The following LRGUK variants were observed in gnomAD, a reference collection of about 807,000 sequenced individuals.
LRGUK encodes the protein leucine rich repeats and guanylate kinase domain containing.
A neutral mutation model predicts 76.0 loss-of-function variants in LRGUK; 65 were observed. The observed-to-expected ratio is 0.85, with a 90% CI of 0.70 to 1.05. The LOEUF (loss-of-function observed/expected upper bound fraction) is 1.05, where lower values mean the gene tolerates loss of function less well. Ranked by LOEUF, LRGUK falls within the 50% of genes least tolerant of loss-of-function variation. The pLI is 0.00. For missense variants in LRGUK, 758 were observed against 732.8 expected (o/e 1.03, Z -0.40); for synonymous variants, 268 against 265.6 (o/e 1.01, Z -0.09).
At chr7:134,185,377 A>G (rs1217207327) in intron 11 of LRGUK, among the ~76,000 whole-genome samples, 4 of 152,062 alleles carry the variant, frequency 2.6e-5, no homozygotes, top group African/African-American at 4.8e-5. Context: ...CCCAGTCAAC[A>G]TGGCAAAATC....
At chr7:134,141,815 G>T (rs925335764) in intron 3 of LRGUK, 2 of 152,302 alleles carry the variant, frequency 1.3e-5, no homozygotes, top group African/African-American at 4.8e-5. Context: ...TCCTCGAAGA[G>T]TTCTTCCTTG....
chr7:134,196,839 TAA>T (rs1375204651), intron 12 of LRGUK, among the ~76,000 whole-genome samples, 151 bp from the exon 13 acceptor site: 2 of 152,214 alleles, frequency 1.3e-5, no homozygotes, highest in African/African-American at 4.8e-5. Flanking sequence ...AGTTTGAAAT[TAA>T]GTTTCATTTA....
chr7:134,161,251 A>T (rs1473957547), intron 6 of LRGUK, among the ~76,000 whole-genome samples: 1 of 152,188 alleles, frequency 6.6e-6, no homozygotes, highest in East Asian at 1.9e-4. Flanking sequence ...GATATTTTGA[A>T]TAGGCTATTG....
At chr7:134,164,636 A>G (rs2116938928) in intron 7 of LRGUK, among the ~76,000 whole-genome samples, 1 of 152,272 alleles carries the variant, frequency 6.6e-6, no homozygotes, top group East Asian at 1.9e-4. Context: ...CTTGAAAATG[A>G]AAAATTGGGC....
chr7:134,217,702 A>T (rs974385886), intron 15 of LRGUK, among the ~76,000 whole-genome samples: 1 of 152,172 alleles, frequency 6.6e-6, no homozygotes, highest in Non-Finnish European at 1.5e-5. Flanking sequence ...TTCTTAATGA[A>T]CTAAACTTTT....
chr7:134,224,921 T>C (rs972703031), intron 16 of LRGUK, among the ~76,000 whole-genome samples: 2 of 151,586 alleles, frequency 1.3e-5, no homozygotes, highest in African/African-American at 4.8e-5. Flanking sequence ...GTGTAGTGGC[T>C]CGCGCTTGTG....
At chr7:134,176,925 T>C (rs1466272724) in intron 8 of LRGUK, 52 bp from the exon 9 acceptor site, 5 of 1,096,502 alleles carry the variant, frequency 4.6e-6, no homozygotes, top group Non-Finnish European at 6.8e-6. Context: ...CTGGTGCTTG[T>C]TGATTTGGGA....
At chr7:134,210,825 C>A (rs1372413887), downstream of LRGUK, among the ~76,000 whole-genome samples, 1 of 152,170 alleles carries the variant, frequency 6.6e-6, no homozygotes, top group South Asian at 2.1e-4. Context: ...AAGCAGCAAA[C>A]CAAAGAGAAG....
downstream of LRGUK, among the ~76,000 whole-genome samples, chr7:134,214,944 T>C (rs1209058227): frequency 6.6e-6 from 1 of 152,112 alleles, no homozygotes; most frequent in Non-Finnish European, 1.5e-5. Flanking sequence ...GATGCTGTGT[T>C]ATGGGAATCT....
chr7:134,186,789 A>G (rs1195443782), intron 11 of LRGUK, among the ~76,000 whole-genome samples: 1 of 152,204 alleles, frequency 6.6e-6, no homozygotes, highest in East Asian at 1.9e-4. Context: ...AATCAGTGCT[A>G]TGTGAAATTT....
chr7:134,165,585 T>TA (rs1490368498), intron 7 of LRGUK, among the ~76,000 whole-genome samples: 1 of 152,220 alleles, frequency 6.6e-6, no homozygotes, highest in East Asian at 1.9e-4. Context: ...GCATTTTACT[T>TA]AACCCAGTAG....
At chr7:134,221,818 C>T in exon 16 of LRGUK, 1 of 1,593,964 alleles carries the variant, frequency 6.3e-7, no homozygotes, top group Non-Finnish European at 8.5e-7. Flanking sequence ...GCGCATCCTA[C>T]AAAGTATATT....
chr7:134,237,050 C>CT (rs10555261), intron 16 of LRGUK, among the ~76,000 whole-genome samples: 1,334 of 75,076 alleles, frequency 0.018, 31 homozygotes, highest in Middle Eastern at 0.036. Context: ...TTTTCTCTTT[C>CT]TTTTTTTTTT....
rs1799864498 is a variant in LRGUK, at chr7:134,183,835, G to A, written c.1316G>A (p.Ser439Asn). 6.8e-6 allele frequency: 11 copies of A among 1,614,022 alleles called. No homozygotes were observed. In the African/African-American group the frequency reaches 1.1e-4, roughly 16 times the overall value. ...GCCCATCGCCTCTGCAGACAGTTTA[G>A]CACTTACTTCAGATATGGGTAAGTT... is the stretch of plus-strand genomic sequence containing the variant. The change falls in exon 11 of 16, where the codon AGC becomes AAC. Residue 439 changes from serine to asparagine, a missense_variant. By Grantham distance (46) the Ser-to-Asn change is conservative. Transcript: ENST00000645682.
intron 12 of LRGUK, among the ~76,000 whole-genome samples, chr7:134,192,528 A>G (rs1221438957): frequency 6.6e-6 from 1 of 152,184 alleles, no homozygotes; most frequent in South Asian, 2.1e-4. Flanking sequence ...AACTCAAAAC[A>G]CTCTTGTCTT....
intron 17 of LRGUK, among the ~76,000 whole-genome samples, chr7:134,248,017 T>C (rs1054815971): frequency 6.6e-6 from 1 of 152,260 alleles, no homozygotes; most frequent in Admixed American, 6.5e-5. Flanking sequence ...TGAGAATCTT[T>C]AATCAATATA....
intron 1 of LRGUK, among the ~76,000 whole-genome samples, chr7:134,133,966 G>A (rs1797421673): frequency 6.6e-6 from 1 of 152,056 alleles, no homozygotes; most frequent in Non-Finnish European, 1.5e-5. Context: ...GGAGGCTGAG[G>A]TGGGAGGATG....
At chr7:134,270,567 G>T in the LRGUK span, among the ~76,000 whole-genome samples, 1 of 151,762 alleles carries the variant, frequency 6.6e-6, no homozygotes, top group Non-Finnish European at 1.5e-5. Context: ...TACACTTTTG[G>T]TATATATGTG....
At chr7:134,137,088 A>C in exon 2 of LRGUK, 3 of 1,613,258 alleles carry the variant, frequency 1.9e-6, no homozygotes, top group Non-Finnish European at 2.5e-6. Context: ...TGGGGCGCTC[A>C]GGCTCTGGGA....
Sources: gnomAD v4.1 joint callset for allele counts (sites outside exome capture counted in the v4.1 genomes callset) on GRCh38, gnomAD v4.1.1 for gene constraint, MANE v1.5 for transcripts, NCBI Gene and HGNC (gene_info 2026-07-23, HGNC 2026-07-21) for gene names.